DMD: variants seen among roughly 807,000 people sequenced by gnomAD.
The protein encoded by DMD is mutant dystrophin.
DMD carries 63 observed loss-of-function variants against 330.1 expected under a neutral mutation model. The observed-to-expected ratio is 0.19, with a 90% CI of 0.16 to 0.24. DMD has a LOEUF of 0.24. Ranked by LOEUF, DMD falls within the 10% of genes least tolerant of loss-of-function variation. DMD has a pLI of 1.00. For synonymous variants in DMD, 1,223 were observed against 959.8 expected (o/e 1.27, Z -5.07); for missense variants, 3,344 against 2,684.1 (o/e 1.25, Z -5.43).
chrX:32,958,810 A>G (rs1042602981), intron 2 of DMD, among the ~76,000 whole-genome samples: 13 of 111,226 alleles, frequency 1.2e-4, no homozygotes, highest in Non-Finnish European at 2.5e-4. Flanking sequence ...CATGTTACCC[A>G]GATAAACTAT....
chrX:31,266,912 C>A, intron 62 of DMD: 3 of 1,144,310 alleles, frequency 2.6e-6, no homozygotes, highest in Middle Eastern at 2.6e-4. Context: ...GAAAGTGGAG[C>A]GCCGCCGCCG....
chrX:33,042,266 A>G (rs755686321), intron 1 of DMD, among the ~76,000 whole-genome samples: 42 of 111,981 alleles, frequency 3.8e-4, no homozygotes, highest in African/African-American at 1.2e-3. Context: ...TCCCTTCTCA[A>G]CAGCCTAGGA....
chrX:32,910,406 G>A (rs1003219586), intron 2 of DMD, among the ~76,000 whole-genome samples: 6 of 111,452 alleles, frequency 5.4e-5, no homozygotes, highest in Admixed American at 1.9e-4. Flanking sequence ...ACATGTGGAT[G>A]TTCACCCCTA....
chrX:32,812,849 A>C (rs2077469691), intron 6 of DMD, among the ~76,000 whole-genome samples: 1 of 111,507 alleles, frequency 9.0e-6, no homozygotes, highest in Admixed American at 9.6e-5. Flanking sequence ...AAAATTGTAG[A>C]ATATTTAGGG....
intron 2 of DMD, among the ~76,000 whole-genome samples, chrX:32,960,050 A>G (rs1167816203): frequency 8.9e-6 from 1 of 111,824 alleles, no homozygotes; most frequent in Admixed American, 9.5e-5. Context: ...TTCTTCTCCA[A>G]CAAGTTTTTG....
chrX:32,234,574 T>G (rs755962708), intron 43 of DMD, among the ~76,000 whole-genome samples: 1 of 111,862 alleles, frequency 8.9e-6, no homozygotes, highest in South Asian at 3.7e-4. Context: ...TGCAATAACA[T>G]TTTTAAAAAT....
At chrX:31,915,796 T>C (rs1750307701) in intron 47 of DMD, among the ~76,000 whole-genome samples, 3 of 111,807 alleles carry the variant, frequency 2.7e-5, no homozygotes, top group Admixed American at 9.5e-5. Flanking sequence ...TCTGAATACA[T>C]AGGAATGCAT....
intron 17 of DMD, among the ~76,000 whole-genome samples, chrX:32,537,300 C>T (rs2048081351): frequency 1.8e-5 from 2 of 111,269 alleles, no homozygotes; most frequent in African/African-American, 6.5e-5. Flanking sequence ...GTAGAAATAT[C>T]AATTTGTGAA....
intron 57 of DMD, among the ~76,000 whole-genome samples, chrX:31,482,794 G>A (rs1301335941): frequency 9.0e-6 from 1 of 111,668 alleles, no homozygotes; most frequent in Admixed American, 9.5e-5. Flanking sequence ...GTTCTTTTTA[G>A]CATAGGAATG....
chrX:31,686,943 AAAG>A (rs748319130), intron 52 of DMD, among the ~76,000 whole-genome samples: 24 of 111,870 alleles, frequency 2.1e-4, no homozygotes, highest in African/African-American at 7.5e-4. Flanking sequence ...AGCGAAAAGT[AAAG>A]AAGACTTTGT....
chrX:31,211,686 G>A (rs768879778), intron 64 of DMD, among the ~76,000 whole-genome samples: 1 of 112,220 alleles, frequency 8.9e-6, no homozygotes, highest in South Asian at 3.7e-4. Flanking sequence ...AACAGCAAAT[G>A]TTGAGTAGAA....
chrX:32,271,352 G>A (rs183380762), intron 43 of DMD, among the ~76,000 whole-genome samples: 74 of 112,436 alleles, frequency 6.6e-4, no homozygotes, highest in Non-Finnish European at 1.1e-3. Context: ...GCCATACTAG[G>A]AAACTACAAA....
At chrX:32,925,550 A>T (rs2088927087) in intron 2 of DMD, among the ~76,000 whole-genome samples, 1 of 111,358 alleles carries the variant, frequency 9.0e-6, no homozygotes, top group Non-Finnish European at 1.9e-5. Context: ...TGAAACTGTC[A>T]CCAAACTAAA....
chrX:32,131,312 A>G (rs1452116587), intron 44 of DMD, among the ~76,000 whole-genome samples: 1 of 112,725 alleles, frequency 8.9e-6, no homozygotes, highest in African/African-American at 3.2e-5. Flanking sequence ...AGCACCTAGA[A>G]AAACATTTGG....
At chrX:32,121,575 C>G (rs11095222) in intron 44 of DMD, among the ~76,000 whole-genome samples, 19,387 of 92,367 alleles carry the variant, frequency 0.21, 2,585 homozygotes, top group African/African-American at 0.45. Context: ...AATAACGTTT[C>G]CTCCGAAAGC....
intron 6 of DMD, among the ~76,000 whole-genome samples, chrX:32,814,492 T>TC (rs1372861925): frequency 8.9e-6 from 1 of 112,051 alleles, no homozygotes; most frequent in Non-Finnish European, 1.9e-5. Flanking sequence ...AACAGAGAGT[T>TC]CAACCATTTT....
intron 55 of DMD, among the ~76,000 whole-genome samples, chrX:31,548,663 T>C (rs150367875): frequency 0.019 from 2,052 of 109,447 alleles, 23 homozygotes; most frequent in Non-Finnish European, 0.03. Context: ...AGTACTGGGA[T>C]TACAGGCTGC....
chrX:31,336,755 A>G (rs1264050456), intron 61 of DMD, among the ~76,000 whole-genome samples: 1 of 111,836 alleles, frequency 8.9e-6, no homozygotes, highest in African/African-American at 3.3e-5. Flanking sequence ...ACAAAGGAAG[A>G]AAATGGAAGT....
rs139856305 is a variant in DMD, at chrX:31,734,078, T to C, written c.7543-4330A>G. Among the ~76,000 whole-genome samples, 233 of 111,452 alleles carry C rather than the reference T, an allele frequency of 2.1e-3. 2 individuals carry two copies. Among genetic ancestry groups the C allele is most frequent in the African/African-American group, 7.3e-3 (226 of 30,771 alleles). On this transcript the variant is annotated intron_variant, in intron 51 of 78. Transcript: ENST00000357033. ...TATATAATTTCAAGCTTGCAGAATA[T>C]TTGCAAGATAAAGAACTCCCAGGTA...
Sources: gnomAD v4.1 joint callset for allele counts (sites outside exome capture counted in the v4.1 genomes callset) on GRCh38, gnomAD v4.1.1 for gene constraint, MANE v1.5 for transcripts, NCBI Gene and HGNC (gene_info 2026-07-23, HGNC 2026-07-21) for gene names.